The following UBE4B variants were observed in gnomAD, a reference collection of about 807,000 sequenced individuals.
The protein encoded by UBE4B is ubiquitin conjugation factor E4 B.
A neutral mutation model predicts 148.1 loss-of-function variants in UBE4B; 27 were observed. The observed-to-expected ratio is 0.18, with a 90% CI of 0.13 to 0.25. UBE4B has a LOEUF of 0.25. Among genes scored for constraint, UBE4B ranks in the 10% least tolerant of loss-of-function variants. UBE4B has a pLI of 1.00. For synonymous variants in UBE4B, 596 were observed against 619.3 expected (o/e 0.96, Z 0.56); for missense variants, 1,170 against 1,662.4 (o/e 0.70, Z 5.15).
chr1:10,057,055 G>A, intron 1 of UBE4B, among the ~76,000 whole-genome samples: 1 of 151,900 alleles, frequency 6.6e-6, no homozygotes, highest in South Asian at 2.1e-4. Flanking sequence ...CTGGTGATTG[G>A]CCCGCCTCAG....
At chr1:10,043,904 C>T (rs762525495) in intron 1 of UBE4B, among the ~76,000 whole-genome samples, 5 of 152,168 alleles carry the variant, frequency 3.3e-5, no homozygotes, top group Non-Finnish European at 7.3e-5. Context: ...CAAACAATTA[C>T]ACTTAGATTC....
At chr1:10,166,941 TCACACA>T (rs559608777) in intron 23 of UBE4B, among the ~76,000 whole-genome samples, 1 of 131,300 alleles carries the variant, frequency 7.6e-6, no homozygotes, top group Non-Finnish European at 1.6e-5. Context: ...AATAAATAAA[TCACACA>T]CACACACACA....
chr1:10,096,475 T>A (rs1489641426), intron 3 of UBE4B, among the ~76,000 whole-genome samples: 1 of 152,184 alleles, frequency 6.6e-6, no homozygotes, highest in Non-Finnish European at 1.5e-5. Flanking sequence ...CTCATGCCTG[T>A]AATCCTAGCA....
At chr1:10,163,240 A>C (rs1218525822) in intron 23 of UBE4B, 2 of 152,128 alleles carry the variant, frequency 1.3e-5, no homozygotes, top group East Asian at 1.9e-4. Context: ...TAATTAAAAA[A>C]ATTTTTTTTA....
At chr1:10,043,708 G>A (rs996905652) in intron 1 of UBE4B, among the ~76,000 whole-genome samples, 77 of 152,274 alleles carry the variant, frequency 5.1e-4, no homozygotes, top group African/African-American at 1.8e-3. Flanking sequence ...GATTACAGGC[G>A]TGATCCAACG....
At chr1:10,153,694 A>C (rs1275193685) in intron 21 of UBE4B, among the ~76,000 whole-genome samples, 2 of 152,010 alleles carry the variant, frequency 1.3e-5, no homozygotes, top group East Asian at 3.9e-4. Flanking sequence ...TCACGCCTGT[A>C]ATCCCAGCAT....
At chr1:10,068,955 TC>T (rs1312393073) in intron 1 of UBE4B, among the ~76,000 whole-genome samples, 4 of 152,232 alleles carry the variant, frequency 2.6e-5, no homozygotes, top group Non-Finnish European at 5.9e-5. Flanking sequence ...CCCAATCTTC[TC>T]CTACTCCTTC....
intron 19 of UBE4B, among the ~76,000 whole-genome samples, chr1:10,147,966 G>A (rs1645901888): frequency 1.3e-5 from 2 of 152,142 alleles, no homozygotes; most frequent in African/African-American, 2.4e-5. Flanking sequence ...GGTGGCTCAC[G>A]CCTATAATCC....
At chr1:10,125,197 C>T (rs1185530970) in intron 10 of UBE4B, among the ~76,000 whole-genome samples, 1 of 152,192 alleles carries the variant, frequency 6.6e-6, no homozygotes, top group Non-Finnish European at 1.5e-5. Context: ...AAAAGGATAA[C>T]TATACAAGAA....
rs926063503 is a variant in UBE4B, at chr1:10,079,348, C to T, written c.211+7134C>T. 7.2e-5 allele frequency among the ~76,000 whole-genome samples: 11 copies of T among 152,074 alleles called. No individual in the cohort carries two copies. In the South Asian group the frequency reaches 8.3e-4, roughly 11 times the overall value. ...TAATTTTTTGTATTTTTAGTAGAGA[C>T]GGAGTTTCACCATGTTGACCAGGCT... On this transcript the variant is annotated intron_variant, in intron 2 of 27. Coordinates refer to ENST00000343090, the MANE Select transcript of UBE4B (RefSeq NM_001105562.3).
intron 1 of UBE4B, among the ~76,000 whole-genome samples, chr1:10,060,008 A>T (rs1378950098): frequency 6.6e-6 from 1 of 152,078 alleles, no homozygotes; most frequent in Non-Finnish European, 1.5e-5. Context: ...GGCATGACCA[A>T]TGAGGAGAAG....
intron 14 of UBE4B, among the ~76,000 whole-genome samples, chr1:10,132,153 G>T (rs939149207): frequency 1.3e-5 from 2 of 151,858 alleles, no homozygotes; most frequent in Non-Finnish European, 2.9e-5. Flanking sequence ...AACTGTAACT[G>T]CCTACCTCCC....
chr1:10,079,315 C>T (rs992647581), intron 2 of UBE4B, among the ~76,000 whole-genome samples: 6 of 152,040 alleles, frequency 3.9e-5, no homozygotes, highest in Non-Finnish European at 8.8e-5. Context: ...TGCGCCACCA[C>T]GCCCGGCTAA....
chr1:10,034,991 G>GTT (rs34028637), intron 1 of UBE4B, among the ~76,000 whole-genome samples: 2 of 151,178 alleles, frequency 1.3e-5, no homozygotes, highest in Non-Finnish European at 3.0e-5. Context: ...TTTTATGTGG[G>GTT]TTTTTTTTTG....
chr1:10,034,887 G>GT (rs921817345), intron 1 of UBE4B, among the ~76,000 whole-genome samples: 7 of 152,244 alleles, frequency 4.6e-5, no homozygotes, highest in East Asian at 1.9e-4. Flanking sequence ...GCGTTACTTT[G>GT]TTTTTTTCGA....
At position 10,175,517 on chromosome 1, in the gene UBE4B, G is replaced by C. The variant is rs576650455; in HGVS notation, c.3526-3127G>C. On this transcript the variant is annotated intron_variant, in intron 25 of 27. Coordinates refer to ENST00000343090, the MANE Select transcript of UBE4B (RefSeq NM_001105562.3). ...ATACAAAAAATTAGCCAGGCGTGGT[G>C]GCGGGCGCCCGTAGACCCAGCTACT... is the stretch of plus-strand genomic sequence containing the variant. Among the ~76,000 whole-genome samples, 101 of 151,870 alleles carry C rather than the reference G, an allele frequency of 6.7e-4. 1 individual carries two copies. Among genetic ancestry groups the C allele is most frequent in the African/African-American group, 2.4e-3 (100 of 41,314 alleles).
intron 2 of UBE4B, among the ~76,000 whole-genome samples, chr1:10,075,090 C>T (rs1244359560): frequency 6.6e-6 from 1 of 152,176 alleles, no homozygotes; most frequent in African/African-American, 2.4e-5. Context: ...CAAACTCTTT[C>T]TGTTAAGGGC....
chr1:10,084,704 C>CT (rs1222393113), intron 2 of UBE4B, among the ~76,000 whole-genome samples: 2,956 of 143,856 alleles, frequency 0.021, 33 homozygotes, highest in Non-Finnish European at 0.03. Flanking sequence ...TCTTTTTTTT[C>CT]TTTTTTTTTT....
At chr1:10,178,460 A>G (rs996534641) in intron 25 of UBE4B, among the ~76,000 whole-genome samples, 184 bp from the exon 26 acceptor site, 4 of 152,194 alleles carry the variant, frequency 2.6e-5, no homozygotes, top group Non-Finnish European at 2.9e-5. Flanking sequence ...TAAAAAGTGC[A>G]TACTTTTATG....
Sources: allele counts gnomAD v4.1 joint callset (sites outside exome capture counted in the v4.1 genomes callset), GRCh38; gene constraint gnomAD v4.1.1; transcripts MANE v1.5; gene names NCBI Gene and HGNC (gene_info 2026-07-23, HGNC 2026-07-21).